Variants in UNC93A observed in about 807,000 individuals in gnomAD.
UNC93A encodes N-acetylglucosamine transporter UNC93A.
UNC93A carries 43 observed loss-of-function variants against 47.5 expected under a neutral mutation model. That is an observed-to-expected ratio of 0.91 (90% CI 0.71 to 1.17). The LOEUF (loss-of-function observed/expected upper bound fraction) is 1.17. Ranked by LOEUF, UNC93A falls within the 50% of genes most tolerant of loss-of-function variation. UNC93A has a pLI of 0.00. For missense variants in UNC93A, 605 were observed against 577.6 expected, an observed-to-expected ratio of 1.05 and a Z score of -0.49; for synonymous variants, 280 against 258.0, an observed-to-expected ratio of 1.09 and a Z score of -0.82.
At chr6:167,287,742 C>T (rs1004833633), upstream of UNC93A, among the ~76,000 whole-genome samples, 7 of 150,000 alleles carry the variant, frequency 4.7e-5, 1 homozygote, top group Admixed American at 4.0e-4. Flanking sequence ...TGTGTGCATG[C>T]GTGTGTGTGT....
chr6:167,276,812 G>A (rs206974), intron 1 of UNC93A, among the ~76,000 whole-genome samples: 109,233 of 152,152 alleles, frequency 0.72, 39,789 homozygotes, highest in African/African-American at 0.85. Flanking sequence ...AGGAAACCCC[G>A]GGAGTCGTGG....
rs143055306 is a variant in UNC93A, at chr6:167,310,771, C to G, written c.1108+2861C>G. 4.6e-3 allele frequency among the ~76,000 whole-genome samples: 694 copies of G among 152,222 alleles called. 12 individuals carry two copies. The highest frequency in any genetic ancestry group is 0.016 in the African/African-American group (652 of 41,508). ...TGGCACATGCCTGTAGTCTCAGCTA[C>G]GAGGGAGGCTGAAGCTGGAGGATCA... is the stretch of plus-strand genomic sequence containing the variant. On this transcript the variant is annotated intron_variant, in intron 7 of 7. Coordinates refer to ENST00000230256, the MANE Select transcript of UNC93A (RefSeq NM_018974.4).
At chr6:167,293,133 T>A (rs1396107370) in intron 1 of UNC93A, among the ~76,000 whole-genome samples, 1 of 152,072 alleles carries the variant, frequency 6.6e-6, no homozygotes, top group Non-Finnish European at 1.5e-5. Flanking sequence ...CAGCCCCAGT[T>A]TGGGGGTGCC....
chr6:167,282,871 C>T (rs1046819643), intron 1 of UNC93A, among the ~76,000 whole-genome samples: 3 of 152,018 alleles, frequency 2.0e-5, no homozygotes, highest in Admixed American at 6.6e-5. Context: ...CAGGGGCTTC[C>T]GGGTCAGAGG....
intron 7 of UNC93A, among the ~76,000 whole-genome samples, chr6:167,313,631 TA>T (rs1334860847): frequency 6.6e-6 from 1 of 152,126 alleles, no homozygotes; most frequent in East Asian, 1.9e-4. Flanking sequence ...AAAGTTAGCT[TA>T]AAATTAGAGT....
rs1783839202 is a variant in UNC93A, at chr6:167,291,495, C to G, written c.6C>G (p.Asp2Glu). 1 of 1,613,650 alleles carries G rather than the reference C, an allele frequency of 6.2e-7. No homozygotes were observed. The highest frequency in any genetic ancestry group is 2.2e-5 in the East Asian group (1 of 44,878). The change falls in exon 1 of 8, where the codon GAC becomes GAG. Residue 2 changes from aspartate (D) to glutamate (E), a missense_variant. Physicochemically the swap from Asp to Glu is conservative, Grantham distance 45. Coordinates refer to ENST00000230256, the MANE Select transcript of UNC93A (RefSeq NM_018974.4). Reference protein sequence around the residue: MDRSLRNVLVVS... With the variant: MERSLRNVLVVS... ...TGATCTTTTCATCCAGCACAATGGA[C>G]AGAAGTCTAAGGAACGTCCTTGTGG... is the stretch of plus-strand genomic sequence containing the variant.
chr6:167,311,920 C>T (rs1273049751), intron 7 of UNC93A, among the ~76,000 whole-genome samples: 28 of 152,196 alleles, frequency 1.8e-4, no homozygotes, highest in Admixed American at 9.2e-4. Context: ...TAGGAAGTAA[C>T]GCTGCCATGT....
chr6:167,291,103 T>C (rs1783832007), upstream of UNC93A, among the ~76,000 whole-genome samples: 2 of 152,328 alleles, frequency 1.3e-5, no homozygotes, highest in South Asian at 4.1e-4. Context: ...CTGTGGAAGG[T>C]TCTATTCTAT....
chr6:167,307,564 G>T (rs1245217036), intron 6 of UNC93A, among the ~76,000 whole-genome samples: 1 of 151,622 alleles, frequency 6.6e-6, no homozygotes, highest in Non-Finnish European at 1.5e-5. Flanking sequence ...GGTTGAGACG[G>T]TTCCAGAGGA....
At chr6:167,278,107 C>T (rs1349724988) in intron 1 of UNC93A, among the ~76,000 whole-genome samples, 1 of 152,218 alleles carries the variant, frequency 6.6e-6, no homozygotes, top group Non-Finnish European at 1.5e-5. Context: ...AGAGCCCAGA[C>T]TTCCCGAGGG....
chr6:167,309,265 G>C (rs901687468), intron 7 of UNC93A, among the ~76,000 whole-genome samples: 2 of 152,226 alleles, frequency 1.3e-5, no homozygotes, highest in South Asian at 2.1e-4. Flanking sequence ...AGATGCGTGA[G>C]AGCGTTTTGG....
chr6:167,312,885 A>G (rs534924440), intron 7 of UNC93A, among the ~76,000 whole-genome samples: 1 of 152,348 alleles, frequency 6.6e-6, no homozygotes, highest in African/African-American at 2.4e-5. Context: ...CCTGAGTTTA[A>G]TTATCACTGG....
At chr6:167,272,112 C>T (rs563489683) in intron 1 of UNC93A, among the ~76,000 whole-genome samples, 1 of 152,320 alleles carries the variant, frequency 6.6e-6, no homozygotes, top group Admixed American at 6.5e-5. Flanking sequence ...TCACTTATAT[C>T]TACATCTTAA....
At chr6:167,287,687 G>GTGTGTGTGTGTGCATGTGTGTGCATA (rs1457969984), upstream of UNC93A, among the ~76,000 whole-genome samples, 1 of 150,030 alleles carries the variant, frequency 6.7e-6, no homozygotes, top group Non-Finnish European at 1.5e-5. Context: ...TAAAAAGGGT[G>GTGTGTGTGTGTGCATGTGTGTGCATA]TGTGTGTGTG....
intron 6 of UNC93A, among the ~76,000 whole-genome samples, chr6:167,307,453 G>GGATGGTTGA (rs113629909): frequency 5.3e-5 from 2 of 37,580 alleles, no homozygotes; most frequent in African/African-American, 4.2e-4. Context: ...CAGTTCCAGA[G>GGATGGTTGA]GACGGTTCCA....
chr6:167,315,545 C>T lies in UNC93A; in HGVS notation c.*93C>T. ...CAGGACATAGAGCGGCTCCTCATCACCATCTCAGCACAATTTGGCCATTCT... is the reference window on the plus strand; with the variant it reads ...CAGGACATAGAGCGGCTCCTCATCATCATCTCAGCACAATTTGGCCATTCT... On this transcript the variant is annotated 3_prime_UTR_variant, in exon 8 of 8. Transcript: ENST00000230256. 2 of 1,584,324 alleles carry T rather than the reference C, an allele frequency of 1.3e-6. No individual in the cohort carries two copies. The highest frequency in any genetic ancestry group is 1.7e-6 in the Non-Finnish European group (2 of 1,162,086).
rs866829187 is a variant in UNC93A at position 167,314,629 on chromosome 6, G to A, written c.1109-558G>A. On this transcript the variant is annotated intron_variant, in intron 7 of 7. Transcript: ENST00000230256. ...ACTGCTTAGCACCAACGTGCCTCCC[G>A]TTCTATTCAAAGTCACCCCTCTGCT... Among the ~76,000 whole-genome samples the A allele has an allele frequency of 3.6e-4, 55 of 152,310 alleles. 1 individual carries two copies. The highest frequency in any genetic ancestry group is 1.3e-3 in the African/African-American group (53 of 41,542).
rs746122719 is a variant in UNC93A at position 167,307,814 on chromosome 6, C to T, written c.1012C>T (p.Leu338=). Residue 338 remains leucine, a synonymous_variant, in exon 7 of 8, where the codon CTG becomes TTG. Coordinates refer to ENST00000230256, the MANE Select transcript of UNC93A (RefSeq NM_018974.4). ...VTHVSCMIAL[L]LWRPRADHLA... ...CCACGTGTCCTGCATGATTGCCCTA[C>T]TGCTGTGGAGACCTCGTGCTGACCA... 2.5e-6 allele frequency: 4 copies of T among 1,614,104 alleles called. No homozygotes were observed. In the Admixed American group the frequency reaches 6.7e-5, roughly 27 times the overall value.
chr6:167,312,490 T>C (rs1174065341), intron 7 of UNC93A, among the ~76,000 whole-genome samples: 1 of 152,248 alleles, frequency 6.6e-6, no homozygotes, highest in Non-Finnish European at 1.5e-5. Flanking sequence ...TATTACTCAA[T>C]CATTGATCTG....
Sources: gnomAD v4.1 joint callset for allele counts (sites outside exome capture counted in the v4.1 genomes callset) on GRCh38, gnomAD v4.1.1 for gene constraint, MANE v1.5 for transcripts, NCBI Gene and HGNC (gene_info 2026-07-23, HGNC 2026-07-21) for gene names.